PSME3IP1: variants seen among roughly 807,000 people sequenced by gnomAD.
The protein encoded by PSME3IP1 is proteasome activator subunit 3 interacting protein 1.
PSME3IP1 carries 13 observed loss-of-function variants against 34.1 expected under a neutral mutation model. The ratio of observed to expected loss-of-function variants is 0.38; its 90% confidence interval spans 0.25 to 0.61. PSME3IP1 has a LOEUF of 0.61. Among genes scored for constraint, PSME3IP1 ranks in the 20% least tolerant of loss-of-function variants. The pLI is 0.60. For missense variants in PSME3IP1, 237 were observed against 301.4 expected (o/e 0.79, Z 1.58); for synonymous variants, 93 against 114.3 (o/e 0.81, Z 1.19).
intron 6 of PSME3IP1, among the ~76,000 whole-genome samples, chr16:57,158,610 GA>G (rs201371438): frequency 1.3e-5 from 2 of 151,556 alleles, no homozygotes; most frequent in South Asian, 2.1e-4. Context: ...AACCAACAAA[GA>G]AAAAAAACCT....
At chr16:57,170,078 A>G (rs1286138228) in intron 4 of PSME3IP1, among the ~76,000 whole-genome samples, 1 of 138,534 alleles carries the variant, frequency 7.2e-6, no homozygotes. Flanking sequence ...CTCCCATACA[A>G]CGCTTTTTTT....
At chr16:57,160,055 C>T (rs1220785197) in intron 6 of PSME3IP1, among the ~76,000 whole-genome samples, 1 of 152,064 alleles carries the variant, frequency 6.6e-6, no homozygotes, top group African/African-American at 2.4e-5. Flanking sequence ...CTTTGGGAGG[C>T]CGAGGCGGGT....
chr16:57,173,827 TAAG>T lies in PSME3IP1; in HGVS notation c.25_27del (p.Leu9del). On this transcript the variant is annotated inframe_deletion, in exon 2 of 7. Coordinates refer to ENST00000309137, the MANE Select transcript of PSME3IP1 (RefSeq NM_024946.4). ...TCAGACACAAACCTCTTTTTGATAA[TAAG>T]GTTACCATCATCCCCTCCATCCATA... 1.9e-6 allele frequency: 3 copies of T among 1,613,926 alleles called. No homozygotes were observed. Among genetic ancestry groups the T allele is most frequent in the Non-Finnish European group, 2.5e-6 (3 of 1,179,962 alleles).
At chr16:57,163,382 G>A (rs1411946377) in intron 6 of PSME3IP1, among the ~76,000 whole-genome samples, 1 of 152,076 alleles carries the variant, frequency 6.6e-6, no homozygotes, top group East Asian at 1.9e-4. Flanking sequence ...ATTAATGTAA[G>A]CCCTGTTGAT....
rs13380759 is a variant in PSME3IP1 at position 57,173,504 on chromosome 16, C to T, written c.127+224G>A. ...ATTAGCCAGGCGTGGTGGCTGGTGC[C>T]TGTAATCCCAACTACTCGGAAGGCT... On this transcript the variant is annotated intron_variant, in intron 2 of 6. Coordinates refer to ENST00000309137, the MANE Select transcript of PSME3IP1 (RefSeq NM_024946.4). 3.6e-3 allele frequency among the ~76,000 whole-genome samples: 545 copies of T among 152,306 alleles called. 4 individuals carry two copies. Among genetic ancestry groups the T allele is most frequent in the African/African-American group, 0.013 (532 of 41,568 alleles).
At chr16:57,173,305 C>T (rs1421360619) in intron 2 of PSME3IP1, among the ~76,000 whole-genome samples, 3 of 152,134 alleles carry the variant, frequency 2.0e-5, no homozygotes, top group African/African-American at 2.4e-5. Flanking sequence ...TAGGTGACTT[C>T]GCCCCTGAGT....
intron 6 of PSME3IP1, among the ~76,000 whole-genome samples, chr16:57,162,063 C>T (rs538977602): frequency 3.9e-5 from 6 of 152,038 alleles, no homozygotes; most frequent in South Asian, 2.1e-4. Flanking sequence ...GCCAGCAGCC[C>T]GACTAATTTT....
rs1228869482 is a variant in PSME3IP1, at chr16:57,185,933, G to C, written c.-128C>G. 1.0e-6 allele frequency: 1 copy of C among 980,778 alleles called. No homozygotes were observed. Among genetic ancestry groups the C allele is most frequent in the Non-Finnish European group, 1.2e-6 (1 of 827,692 alleles). 60.8% of individuals were successfully genotyped at this position (980,778 alleles called of 1,614,324 possible). On this transcript the variant is annotated 5_prime_UTR_variant, in exon 1 of 7. Transcript: ENST00000309137. ...AAAAAAAATGAAAGGAAGAAAGAAA[G>C]AAACAGAGGAAGGAATGAATGAAAG...
intron 6 of PSME3IP1, among the ~76,000 whole-genome samples, chr16:57,158,350 G>T (rs985512395): frequency 6.6e-6 from 1 of 152,220 alleles, no homozygotes; most frequent in Non-Finnish European, 1.5e-5. Flanking sequence ...CACTTTGGGA[G>T]ACTGGGGCGG....
At position 57,154,248 on chromosome 16, in the gene PSME3IP1, A is replaced by C; in HGVS notation, c.*42T>G. 1 of 1,586,966 alleles carries C rather than the reference A, an allele frequency of 6.3e-7. No homozygotes were observed. Among genetic ancestry groups the C allele is most frequent in the Middle Eastern group, 1.7e-4 (1 of 6,002 alleles). The stretch of plus-strand genomic sequence containing the variant: ...GCCTATAGGCAGCATGAACGGTCCG[A>C]TCTACCCTTGGGGAGGAGCTCCCTG... On this transcript the variant is annotated 3_prime_UTR_variant, in exon 7 of 7. Transcript: ENST00000309137. This position sits in a 1 kb window ranked among gnomAD's most constrained non-coding sequence, Gnocchi z 4.0.
intron 6 of PSME3IP1, among the ~76,000 whole-genome samples, chr16:57,161,522 T>C (rs1428691094): frequency 1.3e-5 from 2 of 150,198 alleles, no homozygotes; most frequent in East Asian, 3.9e-4. Flanking sequence ...TTTTTTTTTT[T>C]TTTTTTTGAG....
chr16:57,180,159 A>T lies in PSME3IP1; in HGVS notation c.-16+5662T>A, dbSNP rs571118757. Among the ~76,000 whole-genome samples the T allele has an allele frequency of 1.8e-4, 27 of 152,364 alleles. 1 individual carries two copies. The South Asian group carries it at 5.6e-3, about 32-fold the overall frequency. On this transcript the variant is annotated intron_variant, in intron 1 of 6. Transcript: ENST00000309137. Reference sequence around the variant, plus strand: ...TAAAAGAATCTAAAAACTAAACCACAGAAAAAGAAATTTAATCCATATTTT... The same window carrying T: ...TAAAAGAATCTAAAAACTAAACCACTGAAAAAGAAATTTAATCCATATTTT...
intron 1 of PSME3IP1, among the ~76,000 whole-genome samples, chr16:57,182,853 T>C (rs1227701136): frequency 1.3e-5 from 2 of 152,084 alleles, no homozygotes; most frequent in African/African-American, 2.4e-5. Flanking sequence ...GAGGTTGTAG[T>C]GAGCCGAGAT....
Position 57,154,444 on chromosome 16 carries a change from G to C in PSME3IP1, c.611C>G (p.Ser204Cys). 4.3e-6 allele frequency: 7 copies of C among 1,614,100 alleles called. No homozygotes were observed. The highest frequency in any genetic ancestry group is 5.9e-6 in the Non-Finnish European group (7 of 1,179,990). The change falls in exon 7 of 7, where the codon TCT (serine) becomes TGT (cysteine). Residue 204 changes from serine to cysteine, a missense_variant. Physicochemically the swap from Ser to Cys is moderately radical, Grantham distance 112. Transcript: ENST00000309137. This position sits in a 1 kb window ranked among gnomAD's most constrained non-coding sequence, Gnocchi z 4.0. ...SLSGPSIHCP[S>C]AAVCIGILPG... is the part of the protein sequence containing the mutation. ...GAGGATGCCGATACATACTGCAGCA[G>C]AGGGGCAGTGGATGGAGGGGCCACT...
At chr16:57,158,552 C>A (rs1294487884) in intron 6 of PSME3IP1, among the ~76,000 whole-genome samples, 1 of 152,144 alleles carries the variant, frequency 6.6e-6, no homozygotes, top group African/African-American at 2.4e-5. Flanking sequence ...CGCACCACCC[C>A]ACTCCAGCCT....
intron 6 of PSME3IP1, among the ~76,000 whole-genome samples, chr16:57,156,811 T>G (rs1421592584): frequency 6.6e-6 from 1 of 151,978 alleles, no homozygotes; most frequent in African/African-American, 2.4e-5. Flanking sequence ...AAACAATATA[T>G]TAGGAGGGAA....
At chr16:57,161,448 T>C (rs190767610) in intron 6 of PSME3IP1, among the ~76,000 whole-genome samples, 14 of 151,786 alleles carry the variant, frequency 9.2e-5, no homozygotes, top group Non-Finnish European at 1.9e-4. Context: ...TATACCTCAA[T>C]ACTTTTTTAA....
chr16:57,174,386 T>G, intron 1 of PSME3IP1: 1 of 941,516 alleles, frequency 1.1e-6, no homozygotes, highest in Non-Finnish European at 1.3e-6. Flanking sequence ...GAATTTTTAT[T>G]AACATCGATG....
chr16:57,169,681 C>T (rs1338673477), intron 4 of PSME3IP1, among the ~76,000 whole-genome samples: 1 of 152,212 alleles, frequency 6.6e-6, no homozygotes, highest in African/African-American at 2.4e-5. Context: ...CTCAACAGCA[C>T]TTCTCCCCAG....
Sources: allele counts gnomAD v4.1 joint callset (sites outside exome capture counted in the v4.1 genomes callset), GRCh38; gene constraint gnomAD v4.1.1; non-coding constraint Gnocchi (gnomAD v3.1); transcripts MANE v1.5; gene names NCBI Gene and HGNC (gene_info 2026-07-23, HGNC 2026-07-21).